NXPE2: variants seen among roughly 807,000 people sequenced by gnomAD.
NXPE2 encodes the protein neurexophilin and PC-esterase domain family member 2.
In NXPE2, 34 loss-of-function variants were observed where a neutral mutation model predicts 34.4. The observed-to-expected ratio is 0.99, with a 90% CI of 0.75 to 1.31. NXPE2 has a LOEUF of 1.31. NXPE2 is among the 40% of genes most tolerant of loss of function. The probability of loss-of-function intolerance (pLI) is 0.00; values close to 1 mark genes in which losing one functional copy is unlikely to be tolerated. For missense variants in NXPE2, 649 were observed against 672.5 expected (o/e 0.97, Z 0.39); for synonymous variants, 235 against 231.3 (o/e 1.02, Z -0.15).
chr11:114,562,084 C>T, the NXPE2 span, among the ~76,000 whole-genome samples: 9 of 152,132 alleles, frequency 5.9e-5, no homozygotes, highest in African/African-American at 1.9e-4. Context: ...GTCCTTTTAA[C>T]TTTGTTTTCT....
chr11:114,806,300 A>G, the NXPE2 span, among the ~76,000 whole-genome samples: 1 of 152,258 alleles, frequency 6.6e-6, no homozygotes, highest in Non-Finnish European at 1.5e-5. Context: ...CTCCTCCTCC[A>G]AAGGAATGCA....
chr11:114,700,371 C>G (rs966796778), intron 3 of NXPE2, among the ~76,000 whole-genome samples: 3 of 152,132 alleles, frequency 2.0e-5, no homozygotes, highest in African/African-American at 7.2e-5. Context: ...TAAGGCTTGT[C>G]TTGAGCAGCA....
the NXPE2 span, among the ~76,000 whole-genome samples, chr11:114,725,444 C>T: frequency 6.6e-6 from 1 of 152,198 alleles, no homozygotes; most frequent in East Asian, 1.9e-4. Flanking sequence ...CCAACACACT[C>T]AATAGCTGCT....
chr11:114,703,905 A>G, intron 3 of NXPE2, 86 bp from the exon 4 acceptor site: 1 of 929,870 alleles, frequency 1.1e-6, no homozygotes, highest in Non-Finnish European at 1.7e-6. Flanking sequence ...CATTTGGAGA[A>G]GAGAGGTTTA....
the NXPE2 span, among the ~76,000 whole-genome samples, chr11:114,730,848 G>A: frequency 6.6e-6 from 1 of 152,068 alleles, no homozygotes; most frequent in African/African-American, 2.4e-5. Context: ...GCAAAGAGAG[G>A]TTGACTTCCT....
At chr11:114,714,323 A>G in the NXPE2 span, among the ~76,000 whole-genome samples, 130 of 152,318 alleles carry the variant, frequency 8.5e-4, no homozygotes, top group Admixed American at 1.2e-3. Context: ...GTTCTTGTTC[A>G]TTCTTGTTCT....
the NXPE2 span, among the ~76,000 whole-genome samples, chr11:114,560,699 G>A: frequency 5.9e-5 from 9 of 152,234 alleles, no homozygotes; most frequent in African/African-American, 2.2e-4. Flanking sequence ...TACAGTAAAT[G>A]TTGCTGTAAC....
the NXPE2 span, among the ~76,000 whole-genome samples, chr11:114,797,169 C>T: frequency 2.6e-5 from 4 of 152,194 alleles, no homozygotes; most frequent in African/African-American, 7.2e-5. Context: ...TCTCCCTCCT[C>T]ACCCAACTAG....
the NXPE2 span, chr11:114,530,163 A>C: frequency 6.3e-7 from 1 of 1,580,880 alleles, no homozygotes; most frequent in African/African-American, 1.4e-5. Context: ...TATACATGAA[A>C]AGTATACTCA....
chr11:114,787,223 C>T, the NXPE2 span, among the ~76,000 whole-genome samples: 8 of 152,150 alleles, frequency 5.3e-5, no homozygotes, highest in Non-Finnish European at 8.8e-5. Flanking sequence ...GAAAAAAGCT[C>T]GGGAGCCTCC....
chr11:114,568,881 A>G, the NXPE2 span, among the ~76,000 whole-genome samples: 3 of 151,910 alleles, frequency 2.0e-5, no homozygotes, highest in Non-Finnish European at 4.4e-5. Context: ...TTTTTCCTTT[A>G]TTAGAATATA....
At chr11:114,582,977 G>T in the NXPE2 span, 1 of 1,613,924 alleles carries the variant, frequency 6.2e-7, no homozygotes, top group Non-Finnish European at 8.5e-7. Context: ...TTGTGGAGTT[G>T]TTCCAGTAAT....
At chr11:114,631,791 GT>G in the NXPE2 span, among the ~76,000 whole-genome samples, 1 of 151,326 alleles carries the variant, frequency 6.6e-6, no homozygotes, top group Admixed American at 6.6e-5. Flanking sequence ...AGTAATCACT[GT>G]TACCCAGTGG....
the NXPE2 span, among the ~76,000 whole-genome samples, chr11:114,537,200 T>C: frequency 0.017 from 2,651 of 152,302 alleles, 59 homozygotes; most frequent in African/African-American, 0.057. Flanking sequence ...TCTCAATAGA[T>C]GCAGAAAGGG....
the NXPE2 span, among the ~76,000 whole-genome samples, chr11:114,735,910 C>T: frequency 5.3e-5 from 8 of 152,228 alleles, no homozygotes; most frequent in Admixed American, 2.6e-4. Context: ...TTTCCCTAAG[C>T]GTCCGCCGGT....
the NXPE2 span, among the ~76,000 whole-genome samples, chr11:114,656,926 A>T: frequency 6.6e-6 from 1 of 152,088 alleles, no homozygotes; most frequent in African/African-American, 2.4e-5. Context: ...CCCCGTCTCT[A>T]CTAAAAATAC....
chr11:114,638,151 C>T, the NXPE2 span, among the ~76,000 whole-genome samples: 4 of 151,930 alleles, frequency 2.6e-5, no homozygotes, highest in African/African-American at 9.7e-5. Flanking sequence ...TTCTCGGAGG[C>T]TTTGTTCATT....
chr11:114,585,594 C>CGT, the NXPE2 span, among the ~76,000 whole-genome samples: 204 of 150,880 alleles, frequency 1.4e-3, no homozygotes, highest in African/African-American at 4.0e-3. Context: ...AATATATGTA[C>CGT]GTGTGTGTGT....
At chr11:114,750,347 A>G in the NXPE2 span, among the ~76,000 whole-genome samples, 1 of 152,174 alleles carries the variant, frequency 6.6e-6, no homozygotes. Context: ...ATCTGCCATG[A>G]GTAGTTTTAT....
Sources: allele counts gnomAD v4.1 joint callset (sites outside exome capture counted in the v4.1 genomes callset), GRCh38; gene constraint gnomAD v4.1.1; transcripts MANE v1.5; gene names NCBI Gene and HGNC (gene_info 2026-07-23, HGNC 2026-07-21).